The following COPG2 variants were observed in gnomAD, a reference collection of about 807,000 sequenced individuals.
COPG2 encodes coat protein complex I subunit gamma 2.
A neutral mutation model predicts 46.3 loss-of-function variants in COPG2; 37 were observed. The ratio of observed to expected loss-of-function variants is 0.80; its 90% CI spans 0.61 to 1.05. The LOEUF is 1.05. COPG2 is among the 50% of genes least tolerant of loss of function. The probability of loss-of-function intolerance (pLI) is 0.00; values close to 1 mark genes in which losing one functional copy is unlikely to be tolerated. For missense variants in COPG2, 427 were observed against 387.8 expected, an observed-to-expected ratio of 1.10 and a Z score of -0.85; for synonymous variants, 159 against 129.7, an observed-to-expected ratio of 1.23 and a Z score of -1.53.
At chr7:130,609,384 A>C (rs557457295) in intron 9 of COPG2, among the ~76,000 whole-genome samples, 2 of 152,246 alleles carry the variant, frequency 1.3e-5, no homozygotes, top group East Asian at 3.9e-4. Flanking sequence ...TTCCCTGCAC[A>C]AGCGCTCTCT....
chr7:130,512,227 C>T (rs1554441114), intron 20 of COPG2, among the ~76,000 whole-genome samples: 1 of 151,480 alleles, frequency 6.6e-6, no homozygotes, highest in Non-Finnish European at 1.5e-5. Context: ...ACACAACTCT[C>T]CTTGTTAATA....
intron 20 of COPG2, among the ~76,000 whole-genome samples, chr7:130,529,196 G>A (rs1379315359): frequency 6.6e-6 from 1 of 152,160 alleles, no homozygotes; most frequent in Admixed American, 6.5e-5. Context: ...GGCAATGTTG[G>A]CAGCAGCAAG....
At chr7:130,513,343 G>GTA (rs1799638972) in intron 20 of COPG2, among the ~76,000 whole-genome samples, 1 of 46,560 alleles carries the variant, frequency 2.1e-5, no homozygotes, top group Non-Finnish European at 4.6e-5. Context: ...ATATATATAT[G>GTA]TGTGTGTGTG....
chr7:130,607,197 C>A (rs782177261), intron 9 of COPG2, among the ~76,000 whole-genome samples: 1 of 151,580 alleles, frequency 6.6e-6, no homozygotes, highest in African/African-American at 2.4e-5. Flanking sequence ...GCCAGGATCA[C>A]GCCACTGCAG....
intron 20 of COPG2, among the ~76,000 whole-genome samples, chr7:130,516,596 C>T (rs911154311): frequency 2.0e-5 from 3 of 151,878 alleles, no homozygotes; most frequent in African/African-American, 7.3e-5. Context: ...GGAAAGAGAA[C>T]GTGTGAATGA....
intron 12 of COPG2, among the ~76,000 whole-genome samples, chr7:130,556,361 G>A (rs1239911260): frequency 5.9e-5 from 9 of 152,084 alleles, no homozygotes; most frequent in African/African-American, 1.9e-4. Flanking sequence ...ATTATAGAAA[G>A]GGAATACAGT....
At position 130,508,557 on chromosome 7, in the gene COPG2, C is replaced by G. The variant is rs1390491463; in HGVS notation, c.2247+5G>C. 2.6e-6 allele frequency: 2 copies of G among 772,820 alleles called. No homozygotes were observed. Among genetic ancestry groups the G allele is most frequent in the African/African-American group, 1.7e-5 (1 of 59,178 alleles). 47.9% of individuals were successfully genotyped at this position (772,820 alleles called of 1,614,324 possible). On this transcript the variant is annotated splice_donor_5th_base_variant and intron_variant, in intron 21 of 23. Transcript: ENST00000425248. ...AAAGAAAGTCTCTATGCTGGGAAGA[C>G]TCACCACATACTCATCATCATACCC...
intron 9 of COPG2, among the ~76,000 whole-genome samples, chr7:130,572,880 A>G (rs1417384211): frequency 1.3e-5 from 2 of 151,946 alleles, no homozygotes; most frequent in African/African-American, 4.8e-5. Flanking sequence ...ACTAGAACAC[A>G]GAAAAATAAT....
chr7:130,591,664 G>T (rs577510890), intron 9 of COPG2, among the ~76,000 whole-genome samples: 124 of 146,636 alleles, frequency 8.5e-4, no homozygotes, highest in African/African-American at 2.9e-3. Context: ...CCTCTGCCCG[G>T]CCGCCCCTAC....
At chr7:130,512,376 T>C (rs1799610369) in intron 20 of COPG2, among the ~76,000 whole-genome samples, 1 of 151,464 alleles carries the variant, frequency 6.6e-6, no homozygotes, top group Non-Finnish European at 1.5e-5. Flanking sequence ...TTAGGCTTGA[T>C]TTATTAAGAG....
chr7:130,658,108 T>C (rs1795893153), intron 4 of COPG2, among the ~76,000 whole-genome samples: 1 of 152,216 alleles, frequency 6.6e-6, no homozygotes, highest in Non-Finnish European at 1.5e-5. Flanking sequence ...TTTATAGCAA[T>C]GTTGTTTATA....
intron 9 of COPG2, among the ~76,000 whole-genome samples, chr7:130,599,715 T>C (rs1794599051): frequency 1.3e-5 from 2 of 152,102 alleles, no homozygotes; most frequent in South Asian, 2.1e-4. Flanking sequence ...AAACTAAACT[T>C]TACTGTTTAG....
intron 20 of COPG2, among the ~76,000 whole-genome samples, chr7:130,532,130 G>A (rs963467571): frequency 1.3e-5 from 2 of 152,194 alleles, no homozygotes; most frequent in African/African-American, 4.8e-5. Context: ...CAGGGTTGAT[G>A]GAGGCATCAG....
intron 9 of COPG2, among the ~76,000 whole-genome samples, chr7:130,607,222 C>G (rs1794750006): frequency 6.7e-6 from 1 of 150,310 alleles, no homozygotes; most frequent in African/African-American, 2.5e-5. Flanking sequence ...GGCTTCACAA[C>G]AGAGTGAGAG....
At chr7:130,644,799 C>T (rs1554457850) in intron 5 of COPG2, among the ~76,000 whole-genome samples, 4 of 152,276 alleles carry the variant, frequency 2.6e-5, no homozygotes, top group South Asian at 2.1e-4. Context: ...CAGTGGCTCA[C>T]GCCTGTAATC....
intron 3 of COPG2, among the ~76,000 whole-genome samples, chr7:130,666,282 G>C (rs1554461413): frequency 1.3e-5 from 2 of 152,166 alleles, no homozygotes. Context: ...GAATTTGCCT[G>C]ATCTTGCACT....
Position 130,610,938 on chromosome 7 carries a change from G to A in COPG2, c.737+15C>T, listed in dbSNP as rs536746042. On this transcript the variant is annotated intron_variant, in intron 9 of 23. Transcript: ENST00000425248. ...GCAAATGGAAAATAACCCAGGTTTA[G>A]GTGAAGACACTTACCCATCCTCAGT... The A allele has an allele frequency of 3.0e-5, 49 of 1,613,458 alleles. No individual in the cohort carries two copies. In the Middle Eastern group the frequency reaches 2.0e-3, roughly 65 times the overall value.
At chr7:130,518,909 G>C (rs971552561) in intron 20 of COPG2, among the ~76,000 whole-genome samples, 4,722 of 151,852 alleles carry the variant, frequency 0.031, 115 homozygotes, top group Middle Eastern at 0.068. Context: ...GGGAGGCTGA[G>C]GCAGGAAAAC....
chr7:130,645,068 CAAAA>C (rs59544911), intron 5 of COPG2, among the ~76,000 whole-genome samples: 4 of 113,454 alleles, frequency 3.5e-5, no homozygotes. Context: ...ATCCCAAAAA[CAAAA>C]AAAAAAAAAA....
Sources: gnomAD v4.1 joint callset for allele counts (sites outside exome capture counted in the v4.1 genomes callset) on GRCh38, gnomAD v4.1.1 for gene constraint, MANE v1.5 for transcripts, NCBI Gene and HGNC (gene_info 2026-07-23, HGNC 2026-07-21) for gene names.